EHMT1: variants seen among roughly 807,000 people sequenced by gnomAD.
EHMT1 encodes the protein euchromatic histone lysine methyltransferase 1, also known as histone-lysine N-methyltransferase EHMT1.
EHMT1 carries 15 observed loss-of-function variants against 147.2 expected under a neutral mutation model. The ratio of observed to expected loss-of-function variants is 0.10; its 90% CI spans 0.07 to 0.16. The LOEUF (loss-of-function observed/expected upper bound fraction) is 0.16, where lower values mean the gene tolerates loss of function less well. EHMT1 is among the 10% of genes least tolerant of loss of function. The probability of loss-of-function intolerance (pLI) is 1.00; values close to 1 mark genes in which losing one functional copy is unlikely to be tolerated. For synonymous variants in EHMT1, 795 were observed against 709.6 expected (o/e 1.12, Z -1.91); for missense variants, 1,587 against 1,772.4 (o/e 0.90, Z 1.88).
intron 2 of EHMT1, among the ~76,000 whole-genome samples, chr9:137,714,767 G>A (rs929238700): frequency 6.6e-6 from 1 of 151,834 alleles, no homozygotes; most frequent in South Asian, 2.1e-4. Flanking sequence ...CAGGTGGGTC[G>A]TGAACTCCTG....
chr9:137,653,392 T>C (rs1938076180), intron 1 of EHMT1, among the ~76,000 whole-genome samples: 1 of 152,144 alleles, frequency 6.6e-6, no homozygotes, highest in African/African-American at 2.4e-5. Flanking sequence ...GTACAGTCTG[T>C]GATGTTCACA....
intron 22 of EHMT1, chr9:137,814,759 C>G (rs920326248): frequency 1.2e-5 from 7 of 565,636 alleles, no homozygotes; most frequent in East Asian, 3.1e-5. Flanking sequence ...TGGATGGTGG[C>G]GGGGGTGGGC....
At chr9:137,733,972 C>T (rs1947327438) in intron 4 of EHMT1, among the ~76,000 whole-genome samples, 1 of 152,132 alleles carries the variant, frequency 6.6e-6, no homozygotes, top group Non-Finnish European at 1.5e-5. Context: ...AACAAAAACA[C>T]CCCAAAACCA....
intron 4 of EHMT1, among the ~76,000 whole-genome samples, chr9:137,733,708 G>A (rs149662921): frequency 4.6e-5 from 7 of 152,292 alleles, no homozygotes; most frequent in African/African-American, 1.7e-4. Flanking sequence ...TTTCTTCCAT[G>A]TGACGGCCAA....
At chr9:137,683,500 T>C (rs1942159591) in intron 1 of EHMT1, among the ~76,000 whole-genome samples, 1 of 152,208 alleles carries the variant, frequency 6.6e-6, no homozygotes. Context: ...TGGAGTGCAG[T>C]GGCACAATCA....
Position 137,788,288 on chromosome 9 carries a change from A to AC in EHMT1, c.2383-2558dup, listed in dbSNP as rs1952161376. ...AGCCATTGCTGGGCGGTGGCAGATG[A>AC]CCGAGCGGCTGGTAGGACTGGCATG... is the stretch of plus-strand genomic sequence containing the variant. On this transcript the variant is annotated intron_variant, in intron 15 of 26. Coordinates refer to ENST00000460843, the MANE Select transcript of EHMT1 (RefSeq NM_024757.5). 3 of 419,470 alleles carry AC rather than the reference A, an allele frequency of 7.2e-6. No individual in the cohort carries two copies. In the East Asian group the frequency reaches 1.1e-4, roughly 15 times the overall value. The allele number at this position is 419,470 out of a possible 1,614,324, so 26.0% of individuals were successfully genotyped here. A position where few individuals can be genotyped will look rare whatever the true frequency, so the allele number is the denominator to read the frequency against.
rs140777677 is a variant in EHMT1 at position 137,681,654 on chromosome 9, C to T, written c.22-29313C>T. ...TTGTCCCCAGGAAGCCTCCCACGCCCGTCCACTTTCTCTCCTGTCTCCAGT... is the reference window on the plus strand; with the variant it reads ...TTGTCCCCAGGAAGCCTCCCACGCCTGTCCACTTTCTCTCCTGTCTCCAGT... On this transcript the variant is annotated intron_variant, in intron 1 of 26. Transcript: ENST00000460843. 1.0e-3 allele frequency among the ~76,000 whole-genome samples: 158 copies of T among 152,228 alleles called. 1 individual carries two copies. Among genetic ancestry groups the T allele is most frequent in the African/African-American group, 3.6e-3 (150 of 41,554 alleles).
At chr9:137,753,559 G>A (rs35528310) in intron 7 of EHMT1, among the ~76,000 whole-genome samples, 1 of 152,144 alleles carries the variant, frequency 6.6e-6, no homozygotes, top group Non-Finnish European at 1.5e-5. Flanking sequence ...CGAGGCCCAC[G>A]TGCTGCTGCT....
intron 1 of EHMT1, among the ~76,000 whole-genome samples, chr9:137,699,396 G>C (rs1943653966): frequency 6.6e-6 from 1 of 152,168 alleles, no homozygotes; most frequent in Non-Finnish European, 1.5e-5. Flanking sequence ...TGTTGGGCCA[G>C]GCATGGTGGC....
At chr9:137,624,981 A>T (rs1218051461) in intron 1 of EHMT1, among the ~76,000 whole-genome samples, 4 of 151,686 alleles carry the variant, frequency 2.6e-5, no homozygotes, top group African/African-American at 9.7e-5. Context: ...TCCTGGGTTC[A>T]AGTGATTCTC....
At chr9:137,704,909 C>T (rs1000689197) in intron 1 of EHMT1, among the ~76,000 whole-genome samples, 4 of 148,540 alleles carry the variant, frequency 2.7e-5, no homozygotes, top group African/African-American at 9.9e-5. Flanking sequence ...CTTGTTCCTT[C>T]CTTCCTTTTC....
intron 13 of EHMT1, 105 bp from the exon 14 acceptor site, chr9:137,779,530 G>T: frequency 8.2e-7 from 1 of 1,213,580 alleles, no homozygotes; most frequent in South Asian, 1.3e-5. Flanking sequence ...GGAGCCCCAT[G>T]AGCTTGAGGG....
intron 4 of EHMT1, among the ~76,000 whole-genome samples, chr9:137,737,779 TAA>T (rs1947669063): frequency 6.6e-6 from 1 of 152,088 alleles, no homozygotes; most frequent in African/African-American, 2.4e-5. Flanking sequence ...GTTAACGGAA[TAA>T]AAAGGCACCT....
At chr9:137,720,268 C>T (rs745510333) in intron 3 of EHMT1, among the ~76,000 whole-genome samples, 6 of 152,162 alleles carry the variant, frequency 3.9e-5, no homozygotes, top group African/African-American at 1.4e-4. Context: ...GAACCTGTGC[C>T]AGCCTCTCAT....
chr9:137,835,016 A>C lies in EHMT1; in HGVS notation c.*63A>C, dbSNP rs1465069375. ...CCGCCGCGTCGCCGATTAGAGGACGAGGAGGAGAGATTCCGCACGCAACCG... is the reference window on the plus strand; with the variant it reads ...CCGCCGCGTCGCCGATTAGAGGACGCGGAGGAGAGATTCCGCACGCAACCG... On this transcript the variant is annotated 3_prime_UTR_variant, in exon 27 of 27. Coordinates refer to ENST00000460843, the MANE Select transcript of EHMT1 (RefSeq NM_024757.5). The C allele has an allele frequency of 2.2e-6, 3 of 1,352,436 alleles. No homozygotes were observed. The African/African-American group carries it at 4.7e-5, about 21-fold the overall frequency. 83.8% of individuals were successfully genotyped at this position (1,352,436 alleles called of 1,614,324 possible).
intron 1 of EHMT1, among the ~76,000 whole-genome samples, chr9:137,626,187 T>G (rs2133515080): frequency 6.6e-6 from 1 of 152,094 alleles, no homozygotes; most frequent in East Asian, 1.9e-4. Context: ...ATTTTTATAT[T>G]CTTTACTGTT....
intron 1 of EHMT1, chr9:137,674,779 C>T (rs1020005103): frequency 1.3e-5 from 2 of 152,232 alleles, no homozygotes; most frequent in African/African-American, 4.8e-5. Flanking sequence ...CCGTGATGAG[C>T]TGCAAGGGCC....
At chr9:137,726,416 C>T (rs1052171111) in intron 3 of EHMT1, among the ~76,000 whole-genome samples, 7 of 152,182 alleles carry the variant, frequency 4.6e-5, no homozygotes, top group Admixed American at 3.3e-4. Flanking sequence ...ACAGTGTCCC[C>T]GAGGCTCATC....
rs1227835787 is a variant in EHMT1, at chr9:137,813,194, G to T, written c.3035+21G>T. ...AGCAGGTGAGCCCAGCCCCAGGACGGCTTTGTGGCAAATCAGCGGTCAGCA... is the reference window on the plus strand; with the variant it reads ...AGCAGGTGAGCCCAGCCCCAGGACGTCTTTGTGGCAAATCAGCGGTCAGCA... On this transcript the variant is annotated intron_variant, in intron 20 of 26. Transcript: ENST00000460843. The surrounding 1 kb of genome is among the most constrained non-coding windows in gnomAD (Gnocchi z 4.9). 6.2e-7 allele frequency: 1 copy of T among 1,605,216 alleles called. No homozygotes were observed. Among genetic ancestry groups the T allele is most frequent in the Admixed American group, 1.7e-5 (1 of 59,922 alleles).
Sources: gnomAD v4.1 joint callset for allele counts (sites outside exome capture counted in the v4.1 genomes callset) on GRCh38, gnomAD v4.1.1 for gene constraint, Gnocchi (gnomAD v3.1) non-coding constraint, MANE v1.5 for transcripts, NCBI Gene and HGNC (gene_info 2026-07-23, HGNC 2026-07-21) for gene names.